SRGAP3: variants seen among roughly 807,000 people sequenced by gnomAD.
SRGAP3 encodes SLIT-ROBO Rho GTPase activating protein 3.
A neutral mutation model predicts 121.1 loss-of-function variants in SRGAP3; 39 were observed. The ratio of observed to expected loss-of-function variants is 0.32; its 90% confidence interval spans 0.25 to 0.42. SRGAP3 has a LOEUF of 0.42. Among genes scored for constraint, SRGAP3 ranks in the 10% least tolerant of loss-of-function variants. The pLI is 1.00. For synonymous variants in SRGAP3, 601 were observed against 570.0 expected (o/e 1.05, Z -0.77); for missense variants, 1,213 against 1,470.6 (o/e 0.82, Z 2.86).
At chr3:9,074,114 G>A (rs1476202350) in intron 4 of SRGAP3, among the ~76,000 whole-genome samples, 3 of 152,160 alleles carry the variant, frequency 2.0e-5, no homozygotes, top group African/African-American at 4.8e-5. Context: ...ATCACAGAGA[G>A]CAGGCCCGGA....
chr3:9,022,798 C>T (rs913378424), intron 14 of SRGAP3, among the ~76,000 whole-genome samples: 7 of 152,054 alleles, frequency 4.6e-5, no homozygotes, highest in South Asian at 2.1e-4. Flanking sequence ...CGTTTTGGAA[C>T]GATGGGAAGA....
chr3:9,311,169 C>CA (rs568030531), intron 3 of SRGAP3, among the ~76,000 whole-genome samples: 10,617 of 109,868 alleles, frequency 0.097, 982 homozygotes, highest in African/African-American at 0.26. Context: ...GACTCCAGCT[C>CA]AAAAAAAAAA....
intron 10 of SRGAP3, among the ~76,000 whole-genome samples, chr3:9,042,523 G>T (rs752954673): frequency 6.6e-6 from 1 of 152,220 alleles, no homozygotes; most frequent in Non-Finnish European, 1.5e-5. Context: ...AGAACTTGGG[G>T]CAAATCAACA....
intron 3 of SRGAP3, among the ~76,000 whole-genome samples, chr3:9,264,405 C>G (rs1399237888): frequency 6.6e-6 from 1 of 152,102 alleles, no homozygotes; most frequent in African/African-American, 2.4e-5. Context: ...AAAAAGTATT[C>G]AAATAGGAAG....
intron 18 of SRGAP3, among the ~76,000 whole-genome samples, chr3:8,996,732 T>C (rs568440007): frequency 6.6e-6 from 1 of 152,380 alleles, no homozygotes; most frequent in South Asian, 2.1e-4. Flanking sequence ...CTAGCCCATC[T>C]GCCTGCCTCG....
chr3:8,998,107 T>C (rs1942522446), intron 18 of SRGAP3, among the ~76,000 whole-genome samples: 1 of 152,178 alleles, frequency 6.6e-6, no homozygotes, highest in Non-Finnish European at 1.5e-5. Flanking sequence ...CAGGCTGGTC[T>C]CGAACTTCTG....
intron 2 of SRGAP3, chr3:9,326,262 A>G (rs1381586648): frequency 6.6e-6 from 1 of 151,960 alleles, no homozygotes; most frequent in South Asian, 2.1e-4. Context: ...TGTTATAACA[A>G]CAGCCCTCTT....
chr3:9,231,005 C>T (rs1953190134), intron 1 of SRGAP3, among the ~76,000 whole-genome samples: 1 of 152,152 alleles, frequency 6.6e-6, no homozygotes, highest in South Asian at 2.1e-4. Flanking sequence ...TCAATCCTCC[C>T]CCTGCCCATT....
chr3:9,153,984 C>T (rs1170018560), intron 1 of SRGAP3, among the ~76,000 whole-genome samples: 1 of 152,074 alleles, frequency 6.6e-6, no homozygotes, highest in Admixed American at 6.5e-5. Flanking sequence ...CACTCCCACC[C>T]ACGTCCCCTC....
intron 1 of SRGAP3, among the ~76,000 whole-genome samples, chr3:9,342,705 TTTAC>T (rs1208156157): frequency 6.6e-6 from 1 of 152,340 alleles, no homozygotes; most frequent in Admixed American, 6.5e-5. Context: ...CTTCAGTGCC[TTTAC>T]TTAGACTCTT....
At chr3:9,071,891 T>G (rs1007245454) in intron 4 of SRGAP3, among the ~76,000 whole-genome samples, 1 of 152,074 alleles carries the variant, frequency 6.6e-6, no homozygotes, top group African/African-American at 2.4e-5. Flanking sequence ...TAGAAGACAG[T>G]TGGGGTCTCT....
chr3:9,324,756 G>A (rs927739513), intron 3 of SRGAP3, among the ~76,000 whole-genome samples: 4 of 151,748 alleles, frequency 2.6e-5, no homozygotes, highest in Admixed American at 6.5e-5. Flanking sequence ...AGGAGATCGA[G>A]ACCATCCTGG....
chr3:9,239,106 G>A lies in SRGAP3; in HGVS notation c.67+9779C>T, dbSNP rs576346450. Among the ~76,000 whole-genome samples, 20 of 152,274 alleles carry A rather than the reference G, an allele frequency of 1.3e-4. No homozygotes were observed. Among genetic ancestry groups the A allele is most frequent in the African/African-American group, 2.9e-4 (12 of 41,552 alleles). ...GCAGAATAAAGATGTGAGGCCGGCC[G>A]CAGTGGCTCACACCTATAATCCCAG... On this transcript the variant is annotated intron_variant, in intron 1 of 21. Coordinates refer to ENST00000383836, the MANE Select transcript of SRGAP3 (RefSeq NM_014850.4). This position sits in a 1 kb window ranked among gnomAD's most constrained non-coding sequence, Gnocchi z 4.0.
At chr3:9,138,790 A>C (rs1949752641) in intron 1 of SRGAP3, among the ~76,000 whole-genome samples, 1 of 152,220 alleles carries the variant, frequency 6.6e-6, no homozygotes, top group African/African-American at 2.4e-5. Flanking sequence ...CTATGTGTAA[A>C]AGGTGTATAT....
At chr3:9,211,612 G>C (rs1205664705) in intron 1 of SRGAP3, among the ~76,000 whole-genome samples, 1 of 151,552 alleles carries the variant, frequency 6.6e-6, no homozygotes, top group South Asian at 2.1e-4. Flanking sequence ...ATCCCATCAA[G>C]ATGCAGAGAC....
intron 1 of SRGAP3, among the ~76,000 whole-genome samples, chr3:9,186,737 G>A (rs1425998126): frequency 3.3e-5 from 5 of 152,054 alleles, no homozygotes; most frequent in Non-Finnish European, 5.9e-5. Flanking sequence ...GTCCTTAGGC[G>A]GTCTAAGGTG....
chr3:9,160,685 G>A (rs1222571112), intron 1 of SRGAP3, among the ~76,000 whole-genome samples: 2 of 152,046 alleles, frequency 1.3e-5, no homozygotes, highest in Non-Finnish European at 2.9e-5. Context: ...GGTACATTTT[G>A]GAATAATTTA....
intron 1 of SRGAP3, among the ~76,000 whole-genome samples, chr3:9,178,908 A>G (rs1478929519): frequency 6.6e-6 from 1 of 152,188 alleles, no homozygotes; most frequent in Non-Finnish European, 1.5e-5. Flanking sequence ...CCCTCAGGCC[A>G]CAGCTGCAAC....
chr3:9,209,962 A>G (rs762254962), intron 1 of SRGAP3, among the ~76,000 whole-genome samples: 4 of 152,254 alleles, frequency 2.6e-5, no homozygotes, highest in African/African-American at 7.2e-5. Flanking sequence ...TTAGTCAGCA[A>G]TGAAAAGGAA....
Sources: gnomAD v4.1 joint callset for allele counts (sites outside exome capture counted in the v4.1 genomes callset) on GRCh38, gnomAD v4.1.1 for gene constraint, Gnocchi (gnomAD v3.1) non-coding constraint, MANE v1.5 for transcripts, NCBI Gene and HGNC (gene_info 2026-07-23, HGNC 2026-07-21) for gene names.